Variants in ITGB3 observed in about 807,000 individuals in gnomAD.
ITGB3 encodes the protein integrin beta-3.
Under a neutral mutation model 85.8 loss-of-function variants are expected in ITGB3, and 48 were observed. The ratio of observed to expected loss-of-function variants is 0.56; its 90% CI spans 0.44 to 0.71. ITGB3 has a LOEUF of 0.71. Among genes scored for constraint, ITGB3 ranks in the 30% least tolerant of loss-of-function variants. The pLI, the probability that ITGB3 is intolerant of heterozygous loss-of-function variation, is 0.00. For missense variants in ITGB3, 861 were observed against 1,019.1 expected (o/e 0.84, Z 2.11); for synonymous variants, 363 against 395.6 (o/e 0.92, Z 0.98).
rs2143134303 is a variant in ITGB3 at position 47,301,060 on chromosome 17, A to G, written c.2014+482A>G. Among the ~76,000 whole-genome samples, 2 of 152,324 alleles carry G rather than the reference A, an allele frequency of 1.3e-5. 1 individual carries two copies. The highest frequency in any genetic ancestry group is 6.8e-3 in the Middle Eastern group (2 of 294). On this transcript the variant is annotated intron_variant, in intron 12 of 14. Coordinates refer to ENST00000559488, the MANE Select transcript of ITGB3 (RefSeq NM_000212.3). ...GAGGGAAACCTTCAACCTTATGGAT[A>G]GGCAACCAAAAGCTTTATCTGAAGT...
At chr17:47,284,140 G>C (rs1005945359) in intron 3 of ITGB3, among the ~76,000 whole-genome samples, 9 of 152,222 alleles carry the variant, frequency 5.9e-5, no homozygotes, top group African/African-American at 2.2e-4. Flanking sequence ...CTTTTACAGA[G>C]TCTGAAGTGT....
At position 47,299,644 on chromosome 17, in the gene ITGB3, A is replaced by G; in HGVS notation, c.1913+114A>G. On this transcript the variant is annotated intron_variant, in intron 11 of 14. Transcript: ENST00000559488. The surrounding 1 kb of genome is among the most constrained non-coding windows in gnomAD (Gnocchi z 5.1). ...TGCTCACCAGAGCCTTAGGGAGAGGAGTCCACTCCAGCCAGATGGCTGTCT... is the reference window on the plus strand; with the variant it reads ...TGCTCACCAGAGCCTTAGGGAGAGGGGTCCACTCCAGCCAGATGGCTGTCT... 1 of 978,122 alleles carries G rather than the reference A, an allele frequency of 1.0e-6. No homozygotes were observed. Among genetic ancestry groups the G allele is most frequent in the Non-Finnish European group, 1.6e-6 (1 of 631,156 alleles). The allele number at this position is 978,122 out of a possible 1,614,324, so 60.6% of individuals were successfully genotyped here. A position where few individuals can be genotyped will look rare whatever the true frequency, so the allele number is the denominator to read the frequency against.
chr17:47,268,624 T>C (rs979872242), intron 1 of ITGB3, among the ~76,000 whole-genome samples: 7 of 152,212 alleles, frequency 4.6e-5, no homozygotes, highest in African/African-American at 1.4e-4. Context: ...CAAGAGGTGG[T>C]CTCCCATGGC....
At chr17:47,291,441 T>G (rs1808439550) in intron 9 of ITGB3, 9 of 489,254 alleles carry the variant, frequency 1.8e-5, no homozygotes, top group Non-Finnish European at 3.2e-5. Flanking sequence ...ATTAATACCT[T>G]TCTTTTGTAA....
chr17:47,297,803 G>A (rs936013337), intron 10 of ITGB3, among the ~76,000 whole-genome samples: 1 of 149,166 alleles, frequency 6.7e-6, no homozygotes, highest in Non-Finnish European at 1.5e-5. Flanking sequence ...GATCACTTGA[G>A]CCCAGGAGTT....
chr17:47,259,880 C>T, intron 1 of ITGB3, among the ~76,000 whole-genome samples: 1 of 152,194 alleles, frequency 6.6e-6, no homozygotes. Context: ...GCCTGAGCAA[C>T]AAGAGCAAAA....
At chr17:47,261,856 A>T (rs2065009816) in intron 1 of ITGB3, among the ~76,000 whole-genome samples, 1 of 152,176 alleles carries the variant, frequency 6.6e-6, no homozygotes, top group Admixed American at 6.5e-5. Context: ...GCATCTTTTT[A>T]TGTCAGTTTA....
Position 47,300,661 on chromosome 17 carries a change from C to T in ITGB3, c.2014+83C>T, listed in dbSNP as rs540842379. On this transcript the variant is annotated intron_variant, in intron 12 of 14. Transcript: ENST00000559488. The stretch of plus-strand genomic sequence containing the variant: ...ATCCCAGAACCTATCCAACTCCCAC[C>T]TGTAAAATGGAAGCGTGACTTCTAC... 3.0e-6 allele frequency: 3 copies of T among 1,008,472 alleles called. No individual in the cohort carries two copies. In the East Asian group the frequency reaches 7.8e-5, roughly 26 times the overall value. 62.5% of individuals were successfully genotyped at this position (1,008,472 alleles called of 1,614,324 possible).
intron 13 of ITGB3, among the ~76,000 whole-genome samples, chr17:47,306,325 A>G (rs1379551740): frequency 6.6e-6 from 1 of 152,196 alleles, no homozygotes; most frequent in Non-Finnish European, 1.5e-5. Context: ...TCCAGGCTGG[A>G]GAGCAGTGGC....
intron 6 of ITGB3, among the ~76,000 whole-genome samples, chr17:47,287,911 CTT>C (rs60463106): frequency 6.4e-3 from 356 of 55,280 alleles, no homozygotes; most frequent in African/African-American, 0.024. Flanking sequence ...ACCACCCCTG[CTT>C]TTTTTTTTTT....
At position 47,300,465 on chromosome 17, in the gene ITGB3, C is replaced by CAA; in HGVS notation, c.1914-13_1914-12insAA. The CAA allele has an allele frequency of 6.2e-7, 1 of 1,603,352 alleles. No homozygotes were observed. The highest frequency in any genetic ancestry group is 8.5e-7 in the Non-Finnish European group (1 of 1,170,284). ...CCTTCTTTGCCTTAATCACTGTGTC[C>CAA]TCTCTCCTTCAGAGAATGTGTGGAG... On this transcript the variant is annotated splice_polypyrimidine_tract_variant and intron_variant, in intron 11 of 14. Transcript: ENST00000559488.
chr17:47,255,637 A>C (rs1421084853), intron 1 of ITGB3, among the ~76,000 whole-genome samples: 2 of 151,202 alleles, frequency 1.3e-5, no homozygotes, highest in East Asian at 4.0e-4. Context: ...GGCCAGGATG[A>C]TCTCGATCTC....
chr17:47,302,351 G>C (rs1164817215), intron 12 of ITGB3, among the ~76,000 whole-genome samples: 2 of 152,190 alleles, frequency 1.3e-5, no homozygotes, highest in African/African-American at 4.8e-5. Flanking sequence ...GACCTTGTGA[G>C]GTGGGGGTAT....
At chr17:47,254,069 T>C in intron 1 of ITGB3, 129 bp downstream of exon 1, 1 of 548,692 alleles carries the variant, frequency 1.8e-6, no homozygotes, top group Non-Finnish European at 2.7e-6. Context: ...GCGCGTGTCC[T>C]GGCTGGCGCG....
chr17:47,308,189 A>ATAATAATAATAAT (rs1555574002), intron 14 of ITGB3, among the ~76,000 whole-genome samples: 17 of 134,180 alleles, frequency 1.3e-4, no homozygotes, highest in Non-Finnish European at 1.9e-4. Flanking sequence ...AATAATAATA[A>ATAATAATAATAAT]AATAAAATAA....
In ITGB3 at chr17:47,292,391, C is replaced by T. The variant is rs955557532; in HGVS notation, c.1513C>T (p.Arg505Cys). ...GTGTGAGTGCTCAGAGGAGGACTATCGCCCTTCCCAGCAGGACGAATGCAG... is the reference window on the plus strand; with the variant it reads ...GTGTGAGTGCTCAGAGGAGGACTATTGCCCTTCCCAGCAGGACGAATGCAG... ...SQCECSEEDY[R>C]PSQQDECSPR... Residue 505 changes from arginine (R) to cysteine (C), a missense_variant, in exon 10 of 15, where the codon CGC becomes TGC. Transcript: ENST00000559488. 1.7e-5 allele frequency: 28 copies of T among 1,613,692 alleles called. No homozygotes were observed. The highest frequency in any genetic ancestry group is 2.2e-5 in the East Asian group (1 of 44,882).
chr17:47,261,662 G>A (rs1184165362), intron 1 of ITGB3, among the ~76,000 whole-genome samples: 3 of 152,050 alleles, frequency 2.0e-5, no homozygotes, highest in Non-Finnish European at 4.4e-5. Flanking sequence ...TGGGATCACA[G>A]GCATTTGCCA....
chr17:47,264,335 T>C (rs2065018587), intron 1 of ITGB3, among the ~76,000 whole-genome samples: 2 of 152,216 alleles, frequency 1.3e-5, no homozygotes, highest in African/African-American at 2.4e-5. Flanking sequence ...CACACCCTCA[T>C]GCCCCATGAG....
At position 47,292,241 on chromosome 17, in the gene ITGB3, G is replaced by T. The variant is rs1236170194; in HGVS notation, c.1363G>T (p.Val455Phe). ...CTTCAAGGACAGCCTGATCGTCCAG[G>T]TCACCTTTGATTGTGACTGTGCCTG... is the stretch of plus-strand genomic sequence containing the variant. Reference protein sequence around the residue: ...VGFKDSLIVQVTFDCDCACQA... With the variant: ...VGFKDSLIVQFTFDCDCACQA... The change falls in exon 10 of 15, where the codon GTC becomes TTC. Residue 455 changes from valine to phenylalanine, a missense_variant. Coordinates refer to ENST00000559488, the MANE Select transcript of ITGB3 (RefSeq NM_000212.3). The T allele has an allele frequency of 6.2e-7, 1 of 1,614,222 alleles. No homozygotes were observed. Among genetic ancestry groups the T allele is most frequent in the East Asian group, 2.2e-5 (1 of 44,888 alleles).
Sources: gnomAD v4.1 joint callset for allele counts (sites outside exome capture counted in the v4.1 genomes callset) on GRCh38, gnomAD v4.1.1 for gene constraint, Gnocchi (gnomAD v3.1) non-coding constraint, MANE v1.5 for transcripts, NCBI Gene and HGNC (gene_info 2026-07-23, HGNC 2026-07-21) for gene names.